BCOR: variants seen among roughly 807,000 people sequenced by gnomAD.
The protein encoded by BCOR is BCL6 corepressor.
BCOR carries 10 observed loss-of-function variants against 86.7 expected under a neutral mutation model. The ratio of observed to expected loss-of-function variants is 0.12; its 90% CI spans 0.07 to 0.20. The LOEUF (loss-of-function observed/expected upper bound fraction) is 0.20. Ranked by LOEUF, BCOR falls within the 10% of genes least tolerant of loss-of-function variation. The pLI is 1.00. For synonymous variants in BCOR, 611 were observed against 609.0 expected (o/e 1.00, Z -0.05); for missense variants, 1,259 against 1,452.1 (o/e 0.87, Z 2.16).
rs753977874 is a variant in BCOR at position 40,103,397 on chromosome X, G to A, written c.-40-25428C>T. ...GCCTTGCATCCCCCCCTCCCCAAAA[G>A]GAGGATGTGTCTAGAGGAGGGAGGA... is the stretch of plus-strand genomic sequence containing the variant. On this transcript the variant is annotated intron_variant, in intron 1 of 14. Transcript: ENST00000342274. Among the ~76,000 whole-genome samples the A allele has an allele frequency of 1.0e-3, 116 of 111,138 alleles. 1 individual carries two copies. Among genetic ancestry groups the A allele is most frequent in the Admixed American group, 9.1e-3 (95 of 10,492 alleles).
At position 40,071,020 on chromosome X, in the gene BCOR, G is replaced by A. The variant is rs769721734; in HGVS notation, c.3191C>T (p.Ser1064Leu). Reference sequence around the variant, plus strand: ...TGCAATGGCCTCCTCCAGGGTGACCGACTTTGGCTTTTTGTCCTGATTTCC... The same window carrying A: ...TGCAATGGCCTCCTCCAGGGTGACCAACTTTGGCTTTTTGTCCTGATTTCC... ...LKGNQDKKPK[S>L]VTLEEAIAEQ... is the part of the protein sequence containing the mutation. The change falls in exon 6 of 15, where the codon TCG becomes TTG. Residue 1064 changes from serine to leucine, a missense_variant. Transcript: ENST00000378444. The A allele has an allele frequency of 2.4e-5, 29 of 1,211,350 alleles. No homozygotes were observed. The South Asian group carries it at 2.6e-4, about 11-fold the overall frequency.
intron 6 of BCOR, among the ~76,000 whole-genome samples, chrX:40,064,902 A>G (rs1935126358): frequency 8.9e-6 from 1 of 112,101 alleles, no homozygotes; most frequent in Non-Finnish European, 1.9e-5. Flanking sequence ...ATGGGGCGTC[A>G]ATGCTACGTT....
At chrX:40,150,658 T>A (rs756697160) in intron 1 of BCOR, among the ~76,000 whole-genome samples, 5 of 112,070 alleles carry the variant, frequency 4.5e-5, no homozygotes, top group African/African-American at 1.6e-4. Context: ...CTCTGGCTGC[T>A]GCAGATCCCC....
At chrX:40,119,030 G>A (rs1359589711) in intron 1 of BCOR, among the ~76,000 whole-genome samples, 1 of 111,701 alleles carries the variant, frequency 9.0e-6, no homozygotes, top group East Asian at 2.8e-4. Flanking sequence ...ACAGGGTTTT[G>A]CCATGTTGGC....
At chrX:40,110,451 C>T (rs994805302) in intron 1 of BCOR, among the ~76,000 whole-genome samples, 1 of 108,813 alleles carries the variant, frequency 9.2e-6, no homozygotes, top group African/African-American at 3.3e-5. Flanking sequence ...CCAGGGCATG[C>T]GTGTCATTGA....
chrX:40,176,627 C>T (rs1026276064), intron 1 of BCOR, among the ~76,000 whole-genome samples: 3 of 111,285 alleles, frequency 2.7e-5, no homozygotes, highest in African/African-American at 9.8e-5. Flanking sequence ...CGTGCCGCAC[C>T]ACGCGGAGCT....
At chrX:40,175,843 A>G (rs1938736889) in intron 1 of BCOR, among the ~76,000 whole-genome samples, 1 of 112,880 alleles carries the variant, frequency 8.9e-6, no homozygotes, top group South Asian at 3.6e-4. Flanking sequence ...GGGGCGGGAA[A>G]CTTTGCAAGA....
chrX:40,142,122 G>C (rs1441030436), intron 1 of BCOR, among the ~76,000 whole-genome samples: 3 of 112,483 alleles, frequency 2.7e-5, no homozygotes, highest in Non-Finnish European at 3.8e-5. Flanking sequence ...TTTGCACACA[G>C]CAAGTGCTTA....
At chrX:40,101,819 A>G (rs1217218892), upstream of BCOR, among the ~76,000 whole-genome samples, 1 of 112,727 alleles carries the variant, frequency 8.9e-6, no homozygotes, top group African/African-American at 3.2e-5. Context: ...TCCTCCTCGG[A>G]GGCTGTTCTC....
rs1569182584 is a variant in BCOR at position 40,110,661 on chromosome X, C to CTTTTTTTTTTTTTTTTT, written c.-40-32693_-40-32692insAAAAAAAAAAAAAAAAA. ...TTTCTTTTCTTTTTTTTCTTTTTTC[C>CTTTTTTTTTTTTTTTTT]TTTTTCTTTTTTTTTTTTTTTTTTT... On this transcript the variant is annotated intron_variant, in intron 1 of 14. Transcript: ENST00000342274. 1.6e-4 allele frequency among the ~76,000 whole-genome samples: 4 copies of CTTTTTTTTTTTTTTTTT among 24,725 alleles called. 1 individual carries two copies. Among genetic ancestry groups the CTTTTTTTTTTTTTTTTT allele is most frequent in the Admixed American group, 1.3e-3 (2 of 1,592 alleles). The allele number at this position is 24,725 out of a possible 115,157, so 21.5% of individuals were successfully genotyped here. A position where few individuals can be genotyped will look rare whatever the true frequency, so the allele number is the denominator to read the frequency against.
chrX:40,102,991 C>G (rs1937099396), intron 1 of BCOR, among the ~76,000 whole-genome samples: 1 of 111,487 alleles, frequency 9.0e-6, no homozygotes, highest in Non-Finnish European at 1.9e-5. Flanking sequence ...TCACCCGCTC[C>G]CATTCCACCT....
Position 40,062,258 on chromosome X carries a change from A to G in BCOR, c.4309T>C (p.Ser1437Pro), listed in dbSNP as rs763841918. 1.7e-6 allele frequency: 2 copies of G among 1,210,852 alleles called. No individual in the cohort carries two copies. Among genetic ancestry groups the G allele is most frequent in the African/African-American group, 3.5e-5 (2 of 57,698 alleles). The change falls in exon 10 of 15, where the codon TCA becomes CCA. Residue 1437 changes from serine to proline, a missense_variant. Physicochemically the swap from Ser to Pro is moderately conservative, Grantham distance 74. Coordinates refer to ENST00000378444, the MANE Select transcript of BCOR (RefSeq NM_001123385.2). ...TGGGTGGTCTCCTGAGGGGAACTTG[A>G]GCATGGCAGCTGTGTGGACTGGGAG... is the stretch of plus-strand genomic sequence containing the variant. ...PASQSTQLPC[S>P]SSPQETTQSR...
Position 40,070,985 on chromosome X carries a change from C to T in BCOR, c.3226G>A (p.Glu1076Lys), listed in dbSNP as rs202065982. Residue 1076 changes from glutamate to lysine, a missense_variant, in exon 6 of 15, where the codon GAA becomes AAA. By Grantham distance (56) the Glu-to-Lys change is moderately conservative (BLOSUM62 1). Around this residue, in one of 7 missense-constraint regions of BCOR, gnomAD observed 56 missense variants for 106.6 expected, o/e 0.53. Coordinates refer to ENST00000378444, the MANE Select transcript of BCOR (RefSeq NM_001123385.2). Reference protein sequence around the residue: ...TLEEAIAEQNESERCEYSVGN... With the variant: ...TLEEAIAEQNKSERCEYSVGN... ...CAGGTTTACTTACATCTCTCACTTT[C>T]GTTCTGTTCTGCAATGGCCTCCTCC... is the stretch of plus-strand genomic sequence containing the variant. 1.6e-4 allele frequency: 198 copies of T among 1,209,217 alleles called. 1 individual carries two copies. The highest frequency in any genetic ancestry group is 5.0e-4 in the Middle Eastern group (2 of 3,995).
chrX:40,126,548 GAAAA>G (rs1349247279), intron 1 of BCOR, among the ~76,000 whole-genome samples: 1 of 106,336 alleles, frequency 9.4e-6, no homozygotes, highest in Non-Finnish European at 1.9e-5. Context: ...GAAAAGAAAA[GAAAA>G]AAAACCACGA....
intron 1 of BCOR, among the ~76,000 whole-genome samples, chrX:40,118,940 C>G (rs1025428194): frequency 4.4e-5 from 5 of 112,658 alleles, no homozygotes; most frequent in Admixed American, 9.4e-5. Context: ...TGAAGCCATT[C>G]TCCTGCCTCA....
At chrX:40,109,784 C>CG (rs781350780) in intron 1 of BCOR, among the ~76,000 whole-genome samples, 38 of 112,914 alleles carry the variant, frequency 3.4e-4, no homozygotes, top group South Asian at 7.1e-4. Flanking sequence ...TGCGGGAGCC[C>CG]GGGAGGGCTG....
intron 1 of BCOR, among the ~76,000 whole-genome samples, chrX:40,151,819 G>A (rs1255488543): frequency 2.7e-5 from 3 of 112,720 alleles, no homozygotes; most frequent in African/African-American, 9.7e-5. Context: ...CGAGCAGGCA[G>A]GCGGGGGCGC....
chrX:40,109,115 G>T (rs1485048475), intron 1 of BCOR, among the ~76,000 whole-genome samples: 4 of 112,270 alleles, frequency 3.6e-5, no homozygotes, highest in African/African-American at 1.3e-4. Flanking sequence ...GAGAGACGAG[G>T]GGGCGGGAGG....
rs2147206574 is a variant in BCOR at position 40,072,726 on chromosome X, G to A, written c.2620C>T (p.Pro874Ser). The change falls in exon 4 of 15, where the codon CCA becomes TCA. Residue 874 changes from proline (P) to serine (S), a missense_variant. By Grantham distance (74) the Pro-to-Ser change is moderately conservative (BLOSUM62 -1). Around this residue, in one of 7 missense-constraint regions of BCOR, gnomAD observed 534 missense variants for 594.8 expected, o/e 0.90. Coordinates refer to ENST00000378444, the MANE Select transcript of BCOR (RefSeq NM_001123385.2). ...DFHETYTFKQ[P>S]VFTVSKDSVL... ...CTGTCCTTGCTTACGGTGAAGACTG[G>A]CTGTTTGAAAGTATAAGTTTCGTGG... 8.3e-7 allele frequency: 1 copy of A among 1,211,857 alleles called. No individual in the cohort carries two copies. Among genetic ancestry groups the A allele is most frequent in the Non-Finnish European group, 1.1e-6 (1 of 895,566 alleles).
Sources: allele counts gnomAD v4.1 joint callset (sites outside exome capture counted in the v4.1 genomes callset), GRCh38; gene constraint gnomAD v4.1.1; regional missense constraint gnomAD v4.1.1; transcripts MANE v1.5; gene names NCBI Gene and HGNC (gene_info 2026-07-23, HGNC 2026-07-21).